The following PEX5L variants were observed in gnomAD, a reference collection of about 807,000 sequenced individuals.
PEX5L encodes the protein PEX5-related protein.
A neutral mutation model predicts 84.0 loss-of-function variants in PEX5L; 30 were observed. The ratio of observed to expected loss-of-function variants is 0.36; its 90% confidence interval spans 0.27 to 0.48. The LOEUF is 0.48. Ranked by LOEUF, PEX5L falls within the 20% of genes least tolerant of loss-of-function variation. PEX5L has a pLI of 0.99. For synonymous variants in PEX5L, 270 were observed against 283.1 expected, an observed-to-expected ratio of 0.95 and a Z score of 0.46; for missense variants, 533 against 754.6, an observed-to-expected ratio of 0.71 and a Z score of 3.44.
intron 1 of PEX5L, among the ~76,000 whole-genome samples, chr3:180,010,680 A>G (rs1789385118): frequency 6.6e-6 from 1 of 151,800 alleles, no homozygotes; most frequent in African/African-American, 2.4e-5. Flanking sequence ...GCTCTTCTTC[A>G]GTAACTTCCT....
rs1718129339 is a variant in PEX5L, at chr3:179,799,190, T to C, written c.*2638A>G. On this transcript the variant is annotated 3_prime_UTR_variant, in exon 15 of 15. Transcript: ENST00000467460. Reference sequence around the variant, plus strand: ...GCCTCTGCCTCCCAAAGTGCTAGGATTACAGGCGTGAGCCACCGCACCTGG... The same window carrying C: ...GCCTCTGCCTCCCAAAGTGCTAGGACTACAGGCGTGAGCCACCGCACCTGG... 2 of 152,222 alleles carry C rather than the reference T, an allele frequency of 1.3e-5. No individual in the cohort carries two copies. The highest frequency in any genetic ancestry group is 4.8e-5 in the African/African-American group (2 of 41,464). 9.4% of individuals were successfully genotyped at this position (152,222 alleles called of 1,614,324 possible). A position where few individuals can be genotyped will look rare whatever the true frequency, so the allele number is the denominator to read the frequency against.
intron 14 of PEX5L, among the ~76,000 whole-genome samples, chr3:179,805,786 A>T (rs983572253): frequency 2.6e-5 from 4 of 152,076 alleles, no homozygotes; most frequent in Admixed American, 2.0e-4. Context: ...AGGATTTAAA[A>T]TTTACACCTT....
chr3:179,895,090 T>A (rs191984528), intron 3 of PEX5L, among the ~76,000 whole-genome samples: 1 of 152,230 alleles, frequency 6.6e-6, no homozygotes, highest in African/African-American at 2.4e-5. Flanking sequence ...GAGGGCCTCA[T>A]GATTTAAAAA....
intron 8 of PEX5L, among the ~76,000 whole-genome samples, chr3:179,847,836 G>T (rs1318422157): frequency 6.6e-6 from 1 of 151,822 alleles, no homozygotes; most frequent in Admixed American, 6.6e-5. Context: ...CGAGTAGCTG[G>T]GACTATCTGT....
rs149871575 is a variant in PEX5L, at chr3:179,937,068, C to CAT, written c.93+34524_93+34525dup. Among the ~76,000 whole-genome samples, 513 of 149,578 alleles carry CAT rather than the reference C, an allele frequency of 3.4e-3. 1 individual carries two copies. The highest frequency in any genetic ancestry group is 5.9e-3 in the Non-Finnish European group (394 of 67,112). Reference sequence around the variant, plus strand: ...CAGTCAATACGTTTATTGTGCCCCTCATATATATATATATACATATACAAG... The same window carrying CAT: ...CAGTCAATACGTTTATTGTGCCCCTCATATATATATATATATACATATACAAG... On this transcript the variant is annotated intron_variant, in intron 2 of 14. Transcript: ENST00000467460.
At chr3:179,894,650 A>G (rs1050034084) in intron 3 of PEX5L, among the ~76,000 whole-genome samples, 1 of 152,182 alleles carries the variant, frequency 6.6e-6, no homozygotes, top group African/African-American at 2.4e-5. Flanking sequence ...ACTTACTAGC[A>G]GCCTTGAAAA....
chr3:179,947,767 C>G (rs1433234284), intron 2 of PEX5L, among the ~76,000 whole-genome samples: 1 of 144,272 alleles, frequency 6.9e-6, no homozygotes, highest in Non-Finnish European at 1.5e-5. Flanking sequence ...AGTGCAGTGG[C>G]ATGATCTCCA....
intron 1 of PEX5L, among the ~76,000 whole-genome samples, chr3:180,007,189 C>A (rs950167262): frequency 6.6e-6 from 1 of 152,144 alleles, no homozygotes; most frequent in African/African-American, 2.4e-5. Flanking sequence ...GAGAAACTGG[C>A]CAAAACGAAC....
At chr3:179,948,382 T>G (rs1366501533) in intron 2 of PEX5L, among the ~76,000 whole-genome samples, 1 of 152,202 alleles carries the variant, frequency 6.6e-6, no homozygotes, top group Non-Finnish European at 1.5e-5. Flanking sequence ...TAAAGTATCT[T>G]CCAAAAACAG....
chr3:179,941,343 T>C (rs1236463215), intron 2 of PEX5L, among the ~76,000 whole-genome samples: 3 of 152,190 alleles, frequency 2.0e-5, no homozygotes, highest in African/African-American at 7.2e-5. Context: ...CTCTTGCCCT[T>C]CCCCTCAGCT....
chr3:179,809,982 A>ATATCAT (rs1723097716), intron 11 of PEX5L, among the ~76,000 whole-genome samples: 1 of 134,204 alleles, frequency 7.5e-6, no homozygotes, highest in South Asian at 2.7e-4. Flanking sequence ...GAAATAGGGG[A>ATATCAT]TATCATTATT....
intron 1 of PEX5L, chr3:179,974,170 G>A: frequency 1.0e-6 from 1 of 985,486 alleles, no homozygotes; most frequent in South Asian, 4.7e-5. Flanking sequence ...AGCACAAAAA[G>A]CAAGTCCACA....
chr3:179,841,292 T>A (rs1380049652), intron 8 of PEX5L, among the ~76,000 whole-genome samples: 2 of 152,138 alleles, frequency 1.3e-5, no homozygotes, highest in Non-Finnish European at 2.9e-5. Context: ...TTGCATGTAT[T>A]CTTCCCTCTG....
At chr3:179,959,526 A>C (rs1004052656) in intron 2 of PEX5L, among the ~76,000 whole-genome samples, 4 of 152,236 alleles carry the variant, frequency 2.6e-5, no homozygotes, top group African/African-American at 4.8e-5. Context: ...TTTGTGTAAA[A>C]TAAGTAAAAT....
intron 1 of PEX5L, among the ~76,000 whole-genome samples, chr3:180,010,830 G>GATGAAAAGAGAGGCCA (rs1789403306): frequency 6.6e-6 from 1 of 151,976 alleles, no homozygotes; most frequent in African/African-American, 2.4e-5. Flanking sequence ...TTGTGGCATT[G>GATGAAAAGAGAGGCCA]TTAATAATTT....
chr3:180,036,566 A>G lies in PEX5L; in HGVS notation c.21+13T>C, dbSNP rs746866630. ...CCCCAAGAATTCTCTCCAGCCCTAT[A>G]GAAATGTCTTACCTGCATGTGTCCC... is the stretch of plus-strand genomic sequence containing the variant. On this transcript the variant is annotated intron_variant, in intron 1 of 14. Coordinates refer to ENST00000467460, the MANE Select transcript of PEX5L (RefSeq NM_016559.3). The G allele has an allele frequency of 1.2e-6, 2 of 1,613,466 alleles. No homozygotes were observed. Among genetic ancestry groups the G allele is most frequent in the Non-Finnish European group, 1.7e-6 (2 of 1,179,364 alleles).
chr3:179,943,254 C>A (rs1776647188), intron 2 of PEX5L, among the ~76,000 whole-genome samples: 1 of 152,168 alleles, frequency 6.6e-6, no homozygotes, highest in Non-Finnish European at 1.5e-5. Flanking sequence ...AACACTATGC[C>A]CTGTATGGCC....
At chr3:179,827,689 C>T (rs79713511) in intron 8 of PEX5L, among the ~76,000 whole-genome samples, 2,204 of 152,268 alleles carry the variant, frequency 0.014, 51 homozygotes, top group Middle Eastern at 0.13. Context: ...AGGGACTTTA[C>T]TCTGGAGGCT....
At chr3:180,010,511 C>G (rs1269925888) in intron 1 of PEX5L, among the ~76,000 whole-genome samples, 1 of 151,772 alleles carries the variant, frequency 6.6e-6, no homozygotes, top group African/African-American at 2.4e-5. Flanking sequence ...GTTGAGAAAC[C>G]CTGGCATACC....
Sources: allele counts gnomAD v4.1 joint callset (sites outside exome capture counted in the v4.1 genomes callset), GRCh38; gene constraint gnomAD v4.1.1; transcripts MANE v1.5; gene names NCBI Gene and HGNC (gene_info 2026-07-23, HGNC 2026-07-21).